Variants in KDM2A observed in about 807,000 individuals in gnomAD.
KDM2A encodes the protein lysine-specific demethylase 2A.
In KDM2A, 3 loss-of-function variants were observed where a neutral mutation model predicts 137.3. The observed-to-expected ratio is 0.02, with a 90% CI of 0.01 to 0.06. The LOEUF (loss-of-function observed/expected upper bound fraction) is 0.06. KDM2A is among the 10% of genes least tolerant of loss of function. KDM2A has a pLI of 1.00. For synonymous variants in KDM2A, 512 were observed against 541.5 expected (o/e 0.95, Z 0.76); for missense variants, 738 against 1,510.6 (o/e 0.49, Z 8.48).
chr11:67,235,013 C>T (rs1213334040), intron 12 of KDM2A, among the ~76,000 whole-genome samples: 6 of 151,208 alleles, frequency 4.0e-5, no homozygotes, highest in Admixed American at 6.6e-5. Flanking sequence ...GGTGTCTTGG[C>T]GGGCGCCTGT....
At position 67,255,166 on chromosome 11, in the gene KDM2A, C is replaced by T; in HGVS notation, c.*111C>T. 1 of 929,924 alleles carries T rather than the reference C, an allele frequency of 1.1e-6. No homozygotes were observed. Among genetic ancestry groups the T allele is most frequent in the Non-Finnish European group, 1.6e-6 (1 of 617,368 alleles). The allele number at this position is 929,924 out of a possible 1,614,324, so 57.6% of individuals were successfully genotyped here. On this transcript the variant is annotated 3_prime_UTR_variant, in exon 21 of 21. Transcript: ENST00000529006. The stretch of plus-strand genomic sequence containing the variant: ...CTGAGGCCAGCGTCACACTCCCTCT[C>T]TGCTCTCCTGTCCCTTGAGCCCTTC...
intron 5 of KDM2A, among the ~76,000 whole-genome samples, chr11:67,206,712 G>A (rs1026766498): frequency 5.3e-5 from 8 of 152,278 alleles, no homozygotes; most frequent in Non-Finnish European, 8.8e-5. Flanking sequence ...ACTCCAGCCT[G>A]AGCGACAGAG....
intron 2 of KDM2A, among the ~76,000 whole-genome samples, chr11:67,151,006 G>A (rs565779891): frequency 1.3e-5 from 2 of 152,254 alleles, no homozygotes; most frequent in Admixed American, 1.3e-4. Context: ...CTTGCATGCA[G>A]TAGAGATGTG....
At chr11:67,246,636 T>C (rs918359758) in intron 15 of KDM2A, among the ~76,000 whole-genome samples, 1 of 152,056 alleles carries the variant, frequency 6.6e-6, no homozygotes, top group African/African-American at 2.4e-5. Context: ...GAGTCCAGCA[T>C]GGGCCTTGTG....
At chr11:67,218,763 A>G (rs190480553) in intron 9 of KDM2A, among the ~76,000 whole-genome samples, 3,983 of 152,136 alleles carry the variant, frequency 0.026, 181 homozygotes, top group African/African-American at 0.09. Context: ...GGTGTGCACC[A>G]CCATGCCCAG....
chr11:67,202,461 C>G (rs1857652956), intron 5 of KDM2A, among the ~76,000 whole-genome samples: 1 of 152,056 alleles, frequency 6.6e-6, no homozygotes, highest in African/African-American at 2.4e-5. Flanking sequence ...ATGTTGCAAA[C>G]TTTATTGTTG....
intron 2 of KDM2A, among the ~76,000 whole-genome samples, chr11:67,145,989 T>G (rs560367343): frequency 4.7e-5 from 7 of 147,424 alleles, no homozygotes; most frequent in East Asian, 3.9e-4. Context: ...TTTTGTTTTG[T>G]TTTTTTTTGT....
intron 2 of KDM2A, among the ~76,000 whole-genome samples, chr11:67,122,559 A>G (rs1444546986): frequency 6.6e-6 from 1 of 152,026 alleles, no homozygotes; most frequent in Non-Finnish European, 1.5e-5. Context: ...ATCTGACCTC[A>G]TGATCCACCC....
intron 2 of KDM2A, among the ~76,000 whole-genome samples, chr11:67,149,534 A>G (rs1351228498): frequency 1.3e-5 from 2 of 152,042 alleles, no homozygotes; most frequent in African/African-American, 2.4e-5. Flanking sequence ...AGATAAGGCT[A>G]AAGAGCCCCT....
intron 2 of KDM2A, among the ~76,000 whole-genome samples, chr11:67,161,017 G>C (rs902611167): frequency 6.6e-6 from 1 of 152,174 alleles, no homozygotes; most frequent in Non-Finnish European, 1.5e-5. Context: ...TGTGGCTGAC[G>C]GAGCTTGGAC....
At chr11:67,161,307 T>C (rs1413029314) in intron 2 of KDM2A, among the ~76,000 whole-genome samples, 2 of 152,198 alleles carry the variant, frequency 1.3e-5, no homozygotes, top group African/African-American at 4.8e-5. Flanking sequence ...TCTATAGAAA[T>C]TGTATCCACG....
At chr11:67,179,557 G>GGC (rs1857042964) in intron 2 of KDM2A, among the ~76,000 whole-genome samples, 1 of 152,352 alleles carries the variant, frequency 6.6e-6, no homozygotes, top group East Asian at 1.9e-4. Flanking sequence ...TGGGATTACA[G>GGC]GCGTGAGCCA....
At chr11:67,200,886 CTTA>C (rs1857603098) in intron 5 of KDM2A, among the ~76,000 whole-genome samples, 1 of 151,918 alleles carries the variant, frequency 6.6e-6, no homozygotes, top group Non-Finnish European at 1.5e-5. Context: ...CAACTTTAGT[CTTA>C]TTATTTAAGA....
At chr11:67,224,828 ATTTTTTTTTTTTTTT>A (rs764581976) in intron 10 of KDM2A, among the ~76,000 whole-genome samples, 13 of 66,292 alleles carry the variant, frequency 2.0e-4, no homozygotes, top group Admixed American at 1.5e-3. Context: ...CAGCTGCAGC[ATTTTTTTTTTTTTTT>A]TTTTTTTTTT....
intron 10 of KDM2A, among the ~76,000 whole-genome samples, chr11:67,226,859 G>A (rs1024547731): frequency 6.6e-6 from 1 of 152,130 alleles, no homozygotes; most frequent in Admixed American, 6.6e-5. Context: ...AGGTGTGGTG[G>A]CATACACTTG....
intron 6 of KDM2A, among the ~76,000 whole-genome samples, chr11:67,209,854 A>C (rs1245194876): frequency 1.3e-5 from 2 of 152,042 alleles, no homozygotes; most frequent in Non-Finnish European, 2.9e-5. Flanking sequence ...TGAGCCTAGG[A>C]GTTCAAGACC....
intron 10 of KDM2A, among the ~76,000 whole-genome samples, chr11:67,223,210 A>AG (rs1266899451): frequency 6.6e-6 from 1 of 151,332 alleles, no homozygotes; most frequent in South Asian, 2.1e-4. Context: ...AAAAAAAAAA[A>AG]TTATTTCCAA....
intron 15 of KDM2A, among the ~76,000 whole-genome samples, chr11:67,247,083 T>A (rs1463308833): frequency 2.2e-4 from 19 of 86,716 alleles, no homozygotes; most frequent in Admixed American, 1.6e-3. Context: ...TTTTTTTTTT[T>A]TTTTTTTTTT....
At chr11:67,151,747 A>AT (rs1271335674) in intron 2 of KDM2A, among the ~76,000 whole-genome samples, 2 of 151,632 alleles carry the variant, frequency 1.3e-5, no homozygotes, top group African/African-American at 4.9e-5. Context: ...ATTATTTCTT[A>AT]TTTTTTTATT....
Sources: allele counts gnomAD v4.1 joint callset (sites outside exome capture counted in the v4.1 genomes callset), GRCh38; gene constraint gnomAD v4.1.1; transcripts MANE v1.5; gene names NCBI Gene and HGNC (gene_info 2026-07-23, HGNC 2026-07-21).